The following PRPSAP1 variants were observed in gnomAD, a reference collection of about 807,000 sequenced individuals.
PRPSAP1 encodes phosphoribosyl pyrophosphate synthetase associated protein 1, also known as phosphoribosyl pyrophosphate synthase-associated protein 1.
Under a neutral mutation model 39.4 loss-of-function variants are expected in PRPSAP1, and 31 were observed. The observed-to-expected ratio is 0.79, with a 90% confidence interval of 0.59 to 1.06. The LOEUF is 1.06. Among genes scored for constraint, PRPSAP1 ranks in the 50% least tolerant of loss-of-function variants. The pLI, the probability that PRPSAP1 is intolerant of heterozygous loss-of-function variation, is 0.00. For missense variants in PRPSAP1, 430 were observed against 511.6 expected (o/e 0.84, Z 1.54); for synonymous variants, 212 against 192.6 (o/e 1.10, Z -0.83).
intron 3 of PRPSAP1, among the ~76,000 whole-genome samples, chr17:76,341,501 C>T (rs974920314): frequency 6.6e-6 from 1 of 152,094 alleles, no homozygotes; most frequent in Admixed American, 6.6e-5. Flanking sequence ...CTTGGTGTCT[C>T]AAAGTCCTGG....
rs1473383228 is a variant in PRPSAP1, at chr17:76,312,952, G to A, written c.917C>T (p.Ala306Val). 2 of 1,614,022 alleles carry A rather than the reference G, an allele frequency of 1.2e-6. No homozygotes were observed. The highest frequency in any genetic ancestry group is 1.7e-5 in the Admixed American group (1 of 59,998). The change falls in exon 9 of 10, where the codon GCC (alanine) becomes GTC (valine). Residue 306 changes from alanine (A) to valine (V), a missense_variant. By Grantham distance (64) the Ala-to-Val change is moderately conservative. Around this residue, in one of 2 missense-constraint regions of PRPSAP1, gnomAD observed 278 missense variants for 376.3 expected, o/e 0.74. Coordinates refer to ENST00000446526, the MANE Select transcript of PRPSAP1 (RefSeq NM_002766.3). ...GGTGGCCATAACATAGATCTTATAG[G>A]CGCCTCTCTCTTTCAGGATCTCCGC... Reference protein sequence around the residue: ...AAAEILKERGAYKIYVMATHG... With the variant: ...AAAEILKERGVYKIYVMATHG...
At chr17:76,336,138 A>G (rs1056587746) in intron 3 of PRPSAP1, among the ~76,000 whole-genome samples, 5 of 152,246 alleles carry the variant, frequency 3.3e-5, no homozygotes, top group African/African-American at 7.2e-5. Flanking sequence ...TCAGGGTAAC[A>G]TTCCTTTCAT....
chr17:76,354,150 G>A (rs950749731), upstream of PRPSAP1: 14 of 993,822 alleles, frequency 1.4e-5, no homozygotes, highest in African/African-American at 2.1e-4. Context: ...CCAACTTTTT[G>A]GCCAGGACCC....
At chr17:76,328,675 C>A in intron 7 of PRPSAP1, 42 bp downstream of exon 7, 4 of 1,590,804 alleles carry the variant, frequency 2.5e-6, no homozygotes, top group Non-Finnish European at 3.4e-6. Context: ...AAAAAACTTT[C>A]TTCAATTTAC....
chr17:76,315,453 A>G (rs1240686353), intron 7 of PRPSAP1, among the ~76,000 whole-genome samples: 1 of 152,180 alleles, frequency 6.6e-6, no homozygotes, highest in Non-Finnish European at 1.5e-5. Flanking sequence ...TTTTCTCTGT[A>G]TACTGGCAAA....
At chr17:76,325,898 G>A (rs753372569) in intron 7 of PRPSAP1, among the ~76,000 whole-genome samples, 1 of 152,010 alleles carries the variant, frequency 6.6e-6, no homozygotes. Context: ...GAGCCATTGC[G>A]CCTGGCCAAC....
intron 1 of PRPSAP1, chr17:76,353,120 G>C (rs535892252): frequency 6.1e-6 from 1 of 163,226 alleles, no homozygotes; most frequent in African/African-American, 2.4e-5. Flanking sequence ...ACGCCCGCGG[G>C]TCTCACTGCA....
intron 7 of PRPSAP1, among the ~76,000 whole-genome samples, chr17:76,324,782 C>A (rs928591589): frequency 6.6e-6 from 1 of 151,742 alleles, no homozygotes; most frequent in African/African-American, 2.4e-5. Flanking sequence ...CTGAGGCTGG[C>A]AGGGTGCAGT....
Position 76,322,712 on chromosome 17 carries a change from A to AC in PRPSAP1, c.781+6004dup, listed in dbSNP as rs564421515. On this transcript the variant is annotated intron_variant, in intron 7 of 9. Coordinates refer to ENST00000446526, the MANE Select transcript of PRPSAP1 (RefSeq NM_002766.3). ...CTAAAAATTAGCTGGGTGCTTGGGC[A>AC]CAGTGGCTCATACCTCTAATCCTAG... 1.9e-3 allele frequency among the ~76,000 whole-genome samples: 285 copies of AC among 152,224 alleles called. 3 individuals are homozygous for AC. Among genetic ancestry groups the AC allele is most frequent in the Non-Finnish European group, 6.5e-4 (44 of 68,008 alleles).
intron 3 of PRPSAP1, among the ~76,000 whole-genome samples, chr17:76,343,611 G>A (rs952132651): frequency 6.6e-6 from 1 of 152,168 alleles, no homozygotes; most frequent in Non-Finnish European, 1.5e-5. Flanking sequence ...GAGGTGCATG[G>A]ATCACTTGAG....
At chr17:76,313,744 TAC>T in intron 8 of PRPSAP1, 75 bp downstream of exon 8, 1 of 1,470,614 alleles carries the variant, frequency 6.8e-7, no homozygotes. Context: ...TTCCTAGAAA[TAC>T]AGTCCCAGAG....
intron 3 of PRPSAP1, among the ~76,000 whole-genome samples, chr17:76,341,028 C>T (rs1007337221): frequency 6.6e-6 from 1 of 151,762 alleles, no homozygotes; most frequent in Non-Finnish European, 1.5e-5. Context: ...AAGGTTATAA[C>T]GTCTTAGCTC....
At chr17:76,349,259 G>A (rs1312063222) in intron 1 of PRPSAP1, among the ~76,000 whole-genome samples, 3 of 149,958 alleles carry the variant, frequency 2.0e-5, no homozygotes, top group East Asian at 2.0e-4. Flanking sequence ...AGCCGAGATC[G>A]CGCCATTGCA....
At chr17:76,340,880 C>T (rs1167397293) in intron 3 of PRPSAP1, among the ~76,000 whole-genome samples, 1 of 116,942 alleles carries the variant, frequency 8.6e-6, no homozygotes, top group Non-Finnish European at 1.7e-5. Flanking sequence ...CCAGCCTGGG[C>T]AACAAGAACG....
chr17:76,349,903 T>C (rs1037999551), intron 1 of PRPSAP1, among the ~76,000 whole-genome samples: 3 of 149,694 alleles, frequency 2.0e-5, no homozygotes, highest in South Asian at 2.1e-4. Flanking sequence ...CTGGGCAACA[T>C]GGAAAAACCC....
intron 1 of PRPSAP1, among the ~76,000 whole-genome samples, chr17:76,349,794 T>C (rs1279659914): frequency 1.3e-5 from 2 of 150,840 alleles, no homozygotes; most frequent in Non-Finnish European, 2.9e-5. Flanking sequence ...AAAATTAACA[T>C]CTCCAGCCAG....
At chr17:76,317,137 G>A (rs1044892069) in intron 7 of PRPSAP1, among the ~76,000 whole-genome samples, 1 of 152,086 alleles carries the variant, frequency 6.6e-6, no homozygotes, top group African/African-American at 2.4e-5. Context: ...ATCACCTGAG[G>A]TCAGGAGTTG....
upstream of PRPSAP1, chr17:76,354,188 G>A (rs1435073406): frequency 1.0e-6 from 1 of 986,872 alleles, no homozygotes; most frequent in Non-Finnish European, 1.2e-6. Context: ...GGAGGTATAC[G>A]ATCTAGCTCT....
At chr17:76,312,567 T>C (rs1331644054) in intron 9 of PRPSAP1, among the ~76,000 whole-genome samples, 2 of 152,258 alleles carry the variant, frequency 1.3e-5, no homozygotes, top group Non-Finnish European at 1.5e-5. Flanking sequence ...GCAAAGGCTT[T>C]CATTTTATAA....
Sources: allele counts gnomAD v4.1 joint callset (sites outside exome capture counted in the v4.1 genomes callset), GRCh38; gene constraint gnomAD v4.1.1; regional missense constraint gnomAD v4.1.1; transcripts MANE v1.5; gene names NCBI Gene and HGNC (gene_info 2026-07-23, HGNC 2026-07-21).